TNS3: variants seen among roughly 807,000 people sequenced by gnomAD.
TNS3 encodes the protein tensin 3, also known as tensin-3.
TNS3 carries 45 observed loss-of-function variants against 140.9 expected under a neutral mutation model. The observed-to-expected ratio is 0.32, with a 90% CI of 0.25 to 0.41. The LOEUF (loss-of-function observed/expected upper bound fraction) is 0.41, where lower values mean the gene tolerates loss of function less well. TNS3 is among the 10% of genes least tolerant of loss of function. The pLI is 1.00. For synonymous variants in TNS3, 815 were observed against 788.4 expected (o/e 1.03, Z -0.56); for missense variants, 1,716 against 1,906.7 (o/e 0.90, Z 1.86).
intron 15 of TNS3, among the ~76,000 whole-genome samples, chr7:47,398,057 T>C (rs2151328571): frequency 6.6e-6 from 1 of 152,242 alleles, no homozygotes; most frequent in Admixed American, 6.5e-5. Context: ...ACTACAAAAC[T>C]GAGAGGAAAT....
chr7:47,418,495 C>T (rs985906770), intron 10 of TNS3, among the ~76,000 whole-genome samples: 2 of 152,088 alleles, frequency 1.3e-5, no homozygotes, highest in Admixed American at 6.6e-5. Context: ...CAGCCTTATC[C>T]AAAATAAAAT....
In TNS3 at chr7:47,396,908, C is replaced by T. The variant is rs148231271; in HGVS notation, c.920-4G>A. ...TCGTTGTACAAGTGTTCGGACCCTG[C>T]ACAGAGCACAGGCAGCAACATTAGT... On this transcript the variant is annotated splice_region_variant and splice_polypyrimidine_tract_variant and intron_variant, in intron 15 of 30. Transcript: ENST00000311160. 3 of 1,609,060 alleles carry T rather than the reference C, an allele frequency of 1.9e-6. No homozygotes were observed. The highest frequency in any genetic ancestry group is 2.6e-6 in the Non-Finnish European group (3 of 1,175,304).
At chr7:47,344,674 A>G in intron 20 of TNS3, 81 bp downstream of exon 20, 1 of 1,240,954 alleles carries the variant, frequency 8.1e-7, no homozygotes, top group Non-Finnish European at 1.1e-6. Flanking sequence ...TCTGCATACG[A>G]GTTCTTCTCT....
chr7:47,321,446 A>G (rs1283020886), intron 20 of TNS3, among the ~76,000 whole-genome samples: 2 of 152,174 alleles, frequency 1.3e-5, no homozygotes, highest in Admixed American at 6.5e-5. Flanking sequence ...ACGAATACAG[A>G]GGCCACCAGC....
At chr7:47,324,569 T>C (rs1200653298) in intron 20 of TNS3, among the ~76,000 whole-genome samples, 2 of 152,172 alleles carry the variant, frequency 1.3e-5, no homozygotes, top group East Asian at 1.9e-4. Flanking sequence ...CTGGCCAACA[T>C]GGTGAAACCC....
At chr7:47,423,658 T>C (rs766957020) in intron 10 of TNS3, among the ~76,000 whole-genome samples, 1 of 152,256 alleles carries the variant, frequency 6.6e-6, no homozygotes, top group African/African-American at 2.4e-5. Flanking sequence ...ATTTCCATAT[T>C]GCCCAGGGCT....
At chr7:47,485,801 C>T (rs957398542) in intron 3 of TNS3, among the ~76,000 whole-genome samples, 2 of 152,236 alleles carry the variant, frequency 1.3e-5, no homozygotes, top group Admixed American at 6.5e-5. Flanking sequence ...CACCTGGCTA[C>T]GTGGGTGCCT....
intron 30 of TNS3, chr7:47,279,886 G>A: frequency 2.0e-6 from 1 of 500,984 alleles, no homozygotes; most frequent in Non-Finnish European, 3.6e-6. Flanking sequence ...TTCCCAAATG[G>A]CCAAAAAGGC....
intron 2 of TNS3, 89 bp downstream of exon 2, chr7:47,528,947 T>C (rs779742675): frequency 2.6e-6 from 2 of 766,892 alleles, no homozygotes; most frequent in Non-Finnish European, 3.6e-6. Context: ...GATTTAACTT[T>C]CGGAAACTCC....
At chr7:47,514,650 G>A (rs970627051) in intron 2 of TNS3, among the ~76,000 whole-genome samples, 8 of 151,974 alleles carry the variant, frequency 5.3e-5, no homozygotes, top group African/African-American at 1.9e-4. Context: ...TCTTGTTGCA[G>A]CACTTCTTTA....
At chr7:47,462,464 G>A (rs770871438) in intron 4 of TNS3, among the ~76,000 whole-genome samples, 7 of 152,196 alleles carry the variant, frequency 4.6e-5, no homozygotes, top group Non-Finnish European at 1.0e-4. Flanking sequence ...ACTAGAGCTC[G>A]CAGGACCCTA....
chr7:47,310,891 A>G (rs1346287901), intron 20 of TNS3, among the ~76,000 whole-genome samples: 2 of 152,214 alleles, frequency 1.3e-5, no homozygotes, highest in East Asian at 1.9e-4. Context: ...CCTACAAAGG[A>G]CATGAACTCA....
In TNS3 at chr7:47,399,080, GAAA is replaced by G. The variant is rs55834937; in HGVS notation, c.919+1310_919+1312del. ...GAACTCAATTCTTTTTACGACAGCTGAAAAAAAAAAAAAAAAAAAACTAGAAAT... is the reference window on the plus strand; with the variant it reads ...GAACTCAATTCTTTTTACGACAGCTGAAAAAAAAAAAAAAAAACTAGAAAT... On this transcript the variant is annotated intron_variant, in intron 15 of 30. Coordinates refer to ENST00000311160, the MANE Select transcript of TNS3 (RefSeq NM_022748.12). Among the ~76,000 whole-genome samples the G allele has an allele frequency of 1.5e-3, 142 of 93,588 alleles. 1 individual carries two copies. Among genetic ancestry groups the G allele is most frequent in the East Asian group, 6.8e-3 (23 of 3,398 alleles). 61.4% of individuals were successfully genotyped at this position (93,588 alleles called of 152,430 possible).
At chr7:47,392,111 A>G (rs1792554201) in intron 16 of TNS3, among the ~76,000 whole-genome samples, 1 of 152,206 alleles carries the variant, frequency 6.6e-6, no homozygotes, top group Admixed American at 6.5e-5. Flanking sequence ...AGGCAGCCAC[A>G]CTGTGTGCCG....
intron 4 of TNS3, among the ~76,000 whole-genome samples, chr7:47,447,899 A>C (rs1476051226): frequency 1.3e-5 from 2 of 152,220 alleles, no homozygotes; most frequent in Non-Finnish European, 1.5e-5. Flanking sequence ...TCAGGAGGAC[A>C]GCCCTGATCA....
At chr7:47,559,305 A>C (rs1182439552) in intron 1 of TNS3, among the ~76,000 whole-genome samples, 1 of 152,206 alleles carries the variant, frequency 6.6e-6, no homozygotes, top group African/African-American at 2.4e-5. Flanking sequence ...AGCCAAGATC[A>C]CGCCACTGCA....
chr7:47,289,117 C>T (rs1785568352), intron 27 of TNS3, among the ~76,000 whole-genome samples: 2 of 152,076 alleles, frequency 1.3e-5, no homozygotes, highest in Admixed American at 1.3e-4. Flanking sequence ...GTAACAGACA[C>T]AGTGATGTAT....
intron 8 of TNS3, among the ~76,000 whole-genome samples, chr7:47,429,487 C>T (rs1794822514): frequency 6.6e-6 from 1 of 152,164 alleles, no homozygotes; most frequent in African/African-American, 2.4e-5. Context: ...CCTGCCTCAG[C>T]CTCCCAAGTA....
chr7:47,472,085 TG>T (rs1001432026), intron 4 of TNS3, among the ~76,000 whole-genome samples: 1 of 152,220 alleles, frequency 6.6e-6, no homozygotes, highest in Non-Finnish European at 1.5e-5. Flanking sequence ...TTCCTTGGCT[TG>T]CAGACACGTG....
Sources: gnomAD v4.1 joint callset for allele counts (sites outside exome capture counted in the v4.1 genomes callset) on GRCh38, gnomAD v4.1.1 for gene constraint, MANE v1.5 for transcripts, NCBI Gene and HGNC (gene_info 2026-07-23, HGNC 2026-07-21) for gene names.